The following SZT2 variants were observed in gnomAD, a reference collection of about 807,000 sequenced individuals.
SZT2 encodes the protein KICSTOR complex protein SZT2.
In SZT2, 216 loss-of-function variants were observed where a neutral mutation model predicts 404.2. The ratio of observed to expected loss-of-function variants is 0.53; its 90% confidence interval spans 0.48 to 0.60. SZT2 has a LOEUF of 0.60. Among genes scored for constraint, SZT2 ranks in the 20% least tolerant of loss-of-function variants. SZT2 has a pLI of 0.00. For synonymous variants in SZT2, 1,693 were observed against 1,749.9 expected (o/e 0.97, Z 0.81); for missense variants, 3,857 against 4,459.2 (o/e 0.86, Z 3.85).
chr1:43,389,899 G>C lies in SZT2; in HGVS notation c.-70G>C. On this transcript the variant is annotated 5_prime_UTR_variant, in exon 1 of 72. Transcript: ENST00000634258. Reference sequence around the variant, plus strand: ...CAACTTCCGGTTCCTGCTGGGTGCCGAGGTAGCGAGGTCAGGGGTCAAGAG... The same window carrying C: ...CAACTTCCGGTTCCTGCTGGGTGCCCAGGTAGCGAGGTCAGGGGTCAAGAG... 1.9e-6 allele frequency: 3 copies of C among 1,570,772 alleles called. No individual in the cohort carries two copies. The South Asian group carries it at 3.5e-5, about 18-fold the overall frequency.
rs1656003000 is a variant in SZT2, at chr1:43,448,717, A to G, written c.10075A>G (p.Thr3359Ala). ...CCATTTCCAAAGCCCAGACTTGGGA[A>G]CTCAGTACCTGGTAAGTCCCCTTGA... ...CRHFQSPDLG[T>A]QYLVVLNQKF... Residue 3359 changes from threonine to alanine, a missense_variant, in exon 70 of 72, where the codon ACT becomes GCT. Physicochemically the swap from Thr to Ala is moderately conservative, Grantham distance 58 (BLOSUM62 0). Transcript: ENST00000634258. The surrounding 1 kb of genome is among the most constrained non-coding windows in gnomAD (Gnocchi z 4.2). The G allele has an allele frequency of 6.2e-7, 1 of 1,614,132 alleles. No individual in the cohort carries two copies. Among genetic ancestry groups the G allele is most frequent in the Admixed American group, 1.7e-5 (1 of 60,024 alleles).
In SZT2 at chr1:43,451,434, C is replaced by T. The variant is rs369824095; in HGVS notation, c.*954C>T. 3.0e-5 allele frequency: 49 copies of T among 1,613,490 alleles called. No homozygotes were observed. The East Asian group carries it at 6.7e-4, about 22-fold the overall frequency. Reference sequence around the variant, plus strand: ...CCTCGAGGCTGATACTCACAGCCCACGAAGCCTTTGTAGCCTTCATCTTCC... The same window carrying T: ...CCTCGAGGCTGATACTCACAGCCCATGAAGCCTTTGTAGCCTTCATCTTCC... On this transcript the variant is annotated 3_prime_UTR_variant, in exon 72 of 72. Transcript: ENST00000634258.
In SZT2 at chr1:43,427,993, C is replaced by T. The variant is rs773985198; in HGVS notation, c.3804-10C>T. 5.0e-6 allele frequency: 8 copies of T among 1,610,948 alleles called. No homozygotes were observed. The highest frequency in any genetic ancestry group is 3.3e-4 in the Middle Eastern group (2 of 6,076). On this transcript the variant is annotated splice_polypyrimidine_tract_variant and intron_variant, in intron 26 of 71. Transcript: ENST00000634258. The stretch of plus-strand genomic sequence containing the variant: ...AGTTGGTCAAGTTCCATTTTCCCTT[C>T]GTTTCCTAGGACTCAGTTCCTCGAC...
chr1:43,446,736 A>C lies in SZT2; in HGVS notation c.9073-219A>C. 3 of 627,672 alleles carry C rather than the reference A, an allele frequency of 4.8e-6. 1 individual carries two copies. The highest frequency in any genetic ancestry group is 4.0e-5 in the South Asian group (2 of 50,470). The allele number at this position is 627,672 out of a possible 1,614,324, so 38.9% of individuals were successfully genotyped here. On this transcript the variant is annotated intron_variant, in intron 65 of 71. Transcript: ENST00000634258. ...ATAGAGCAAAATGGCCCAGTTTCTG[A>C]AAATGGCCCTAGTTTCATGGAGATA...
intron 52 of SZT2, 104 bp downstream of exon 52, chr1:43,440,690 G>A: frequency 7.1e-7 from 1 of 1,406,650 alleles, no homozygotes; most frequent in Non-Finnish European, 9.3e-7. Flanking sequence ...TTGCCACAGT[G>A]TCCTTTCATA....
chr1:43,415,049 G>A (rs751553020), intron 4 of SZT2, 33 bp from the exon 5 acceptor site: 55 of 1,592,688 alleles, frequency 3.5e-5, no homozygotes, highest in Admixed American at 2.0e-4. Flanking sequence ...CACCCTGACC[G>A]TCCTGTCTCA....
In SZT2 at chr1:43,435,267, A is replaced by G. The variant is rs779102814; in HGVS notation, c.5972A>G (p.Glu1991Gly). 1 of 1,614,252 alleles carries G rather than the reference A, an allele frequency of 6.2e-7. No individual in the cohort carries two copies. The highest frequency in any genetic ancestry group is 8.5e-7 in the Non-Finnish European group (1 of 1,180,050). Reference protein sequence around the residue: ...CNSLLVAESEEDLWRSETPFH... With the variant: ...CNSLLVAESEGDLWRSETPFH... ...TCTCTTCTGGTGGCCGAGAGTGAAG[A>G]AGATCTGTGGCGCAGTGAGACTCCC... The change falls in exon 42 of 72, where the codon GAA becomes GGA. Residue 1991 changes from glutamate to glycine, a missense_variant. Glu to Gly is a moderately conservative substitution (Grantham distance 98). Around this residue, in one of 7 missense-constraint regions of SZT2, gnomAD observed 1,725 missense variants for 1,881.0 expected, o/e 0.92. Transcript: ENST00000634258.
chr1:43,452,064 C>T lies in SZT2; in HGVS notation c.*1584C>T, dbSNP rs1557615119. Reference sequence around the variant, plus strand: ...TAGAGCTCCTTCCCAAGTTTGTCCCCCATCAGTCAGTCACTGGTCAAGGCC... The same window carrying T: ...TAGAGCTCCTTCCCAAGTTTGTCCCTCATCAGTCAGTCACTGGTCAAGGCC... On this transcript the variant is annotated 3_prime_UTR_variant, in exon 72 of 72. Coordinates refer to ENST00000634258, the MANE Select transcript of SZT2 (RefSeq NM_001365999.1). 1.3e-6 allele frequency: 2 copies of T among 1,566,804 alleles called. No homozygotes were observed. Among genetic ancestry groups the T allele is most frequent in the Admixed American group, 1.7e-5 (1 of 58,292 alleles).
rs1650032251 is a variant in SZT2 at position 43,404,275 on chromosome 1, TCATC to T, written c.328-101_328-98del. On this transcript the variant is annotated intron_variant, in intron 3 of 71. Coordinates refer to ENST00000634258, the MANE Select transcript of SZT2 (RefSeq NM_001365999.1). ...TGTGGCACTGTATTTGGGTGTGCGA[TCATC>T]CATAAGTTAAGTGTCCTACTGACCC... The T allele has an allele frequency of 4.2e-6, 4 of 958,916 alleles. No individual in the cohort carries two copies. The Admixed American group carries it at 9.3e-5, about 22-fold the overall frequency. 59.4% of individuals were successfully genotyped at this position (958,916 alleles called of 1,614,324 possible).
At chr1:43,432,650 C>G (rs1426376383) in intron 38 of SZT2, 46 bp downstream of exon 38, 1 of 1,613,136 alleles carries the variant, frequency 6.2e-7, no homozygotes, top group Non-Finnish European at 8.5e-7. Flanking sequence ...GACCAGATCC[C>G]TGACCATGCT....
chr1:43,390,258 G>A (rs1648124437), intron 1 of SZT2, among the ~76,000 whole-genome samples: 1 of 152,262 alleles, frequency 6.6e-6, no homozygotes. Flanking sequence ...TCGTCTCTAA[G>A]ACTTATAGCG....
At chr1:43,418,091 G>A (rs184386374) in intron 7 of SZT2, among the ~76,000 whole-genome samples, 1 of 152,166 alleles carries the variant, frequency 6.6e-6, no homozygotes, top group African/African-American at 2.4e-5. Context: ...ATCTTTTTCA[G>A]AGCCATTTTA....
At position 43,420,648 on chromosome 1, in the gene SZT2, G is replaced by A; in HGVS notation, c.1262-101G>A. On this transcript the variant is annotated intron_variant, in intron 9 of 71. Coordinates refer to ENST00000634258, the MANE Select transcript of SZT2 (RefSeq NM_001365999.1). The surrounding 1 kb of genome is among the most constrained non-coding windows in gnomAD (Gnocchi z 5.1). The stretch of plus-strand genomic sequence containing the variant: ...GGAACCATGCTTGGAACCTTTGGCA[G>A]GACTGGGTTCCATGAGGTAGGTGGG... 8.5e-7 allele frequency: 1 copy of A among 1,176,188 alleles called. No homozygotes were observed. The highest frequency in any genetic ancestry group is 2.5e-5 in the East Asian group (1 of 40,074). 72.9% of individuals were successfully genotyped at this position (1,176,188 alleles called of 1,614,324 possible).
Position 43,437,152 on chromosome 1 carries a change from C to G in SZT2, c.6035-19C>G. ...AGGGTGGTGTGTCCCATTTCTAATC[C>G]CTGCTCCCCCTCACCCAGATTATGC... On this transcript the variant is annotated intron_variant, in intron 42 of 71. Coordinates refer to ENST00000634258, the MANE Select transcript of SZT2 (RefSeq NM_001365999.1). This position sits in a 1 kb window ranked among gnomAD's most constrained non-coding sequence, Gnocchi z 5.3. The G allele has an allele frequency of 6.2e-7, 1 of 1,613,314 alleles. No homozygotes were observed. Among genetic ancestry groups the G allele is most frequent in the Non-Finnish European group, 8.5e-7 (1 of 1,179,522 alleles).
In SZT2 at chr1:43,448,168, TG is replaced by T; in HGVS notation, c.9654del (p.Pro3220LeufsTer21). The stretch of plus-strand genomic sequence containing the variant: ...CGCCGCTTCCGGAAGCCACCCAGAC[TG>T]CCCCCTGAGCCAGAGGCTCCTGGGA... The part of the protein sequence containing the change: ...DMRRFRKPPR[L>X]PPEPEAPGSS... On this transcript the variant is annotated frameshift_variant, in exon 69 of 72. Coordinates refer to ENST00000634258, the MANE Select transcript of SZT2 (RefSeq NM_001365999.1). LOFTEE classifies it high-confidence loss of function. The surrounding 1 kb of genome is among the most constrained non-coding windows in gnomAD (Gnocchi z 4.2). 6.2e-7 allele frequency: 1 copy of T among 1,611,882 alleles called. No homozygotes were observed. Among genetic ancestry groups the T allele is most frequent in the Non-Finnish European group, 8.5e-7 (1 of 1,178,680 alleles).
In SZT2 at chr1:43,424,756, C is replaced by T. The variant is rs776649094; in HGVS notation, c.2472-28C>T. On this transcript the variant is annotated intron_variant, in intron 16 of 71. Coordinates refer to ENST00000634258, the MANE Select transcript of SZT2 (RefSeq NM_001365999.1). This position sits in a 1 kb window ranked among gnomAD's most constrained non-coding sequence, Gnocchi z 4.1. ...AGTGTCTCTTCTTCCCTTATCCTGG[C>T]CTTGCCCCGGCCTTTATGGGGCTTC... 37 of 1,600,586 alleles carry T rather than the reference C, an allele frequency of 2.3e-5. No homozygotes were observed. The highest frequency in any genetic ancestry group is 5.0e-5 in the Admixed American group (3 of 59,950).
In SZT2 at chr1:43,431,806, A is replaced by T. The variant is rs763309847; in HGVS notation, c.5179A>T (p.Ile1727Phe). The change falls in exon 36 of 72, where the codon ATC becomes TTC. Residue 1727 changes from isoleucine (I) to phenylalanine (F), a missense_variant. Transcript: ENST00000634258. ...SPALHRAAAHIHSSPGRSTCL... is the reference protein window; with the variant it reads ...SPALHRAAAHFHSSPGRSTCL... ...TGCCCTGCACCGCGCAGCTGCCCAT[A>T]TCCATAGTTCTCCTGGACGCTCCAC... The T allele has an allele frequency of 6.2e-7, 1 of 1,614,170 alleles. No individual in the cohort carries two copies. The highest frequency in any genetic ancestry group is 8.5e-7 in the Non-Finnish European group (1 of 1,180,018).
At position 43,445,903 on chromosome 1, in the gene SZT2, G is replaced by A. The variant is rs752988789; in HGVS notation, c.8835G>A (p.Arg2945=). 2.4e-5 allele frequency: 38 copies of A among 1,614,066 alleles called. No individual in the cohort carries two copies. The highest frequency in any genetic ancestry group is 3.2e-5 in the Non-Finnish European group (38 of 1,180,030). The change falls in exon 63 of 72, where the codon CGG becomes CGA. Residue 2945 remains arginine, a synonymous_variant. Transcript: ENST00000634258. The stretch of plus-strand genomic sequence containing the variant: ...TCCTCCTTTTCTATAGCACCAGCCG[G>A]CCACGGGCCATGGCTATCCTTGGAA... ...RPPSPARSTS[R]PRAMAILGTE... is the part of the protein sequence containing the mutation.
intron 1 of SZT2, among the ~76,000 whole-genome samples, chr1:43,400,310 CTT>C (rs1386176223): frequency 6.6e-6 from 1 of 152,142 alleles, no homozygotes; most frequent in Admixed American, 6.6e-5. Flanking sequence ...TTTAAATTCT[CTT>C]TTTATCTTTC....
Sources: allele counts gnomAD v4.1 joint callset (sites outside exome capture counted in the v4.1 genomes callset), GRCh38; gene constraint gnomAD v4.1.1; regional missense constraint gnomAD v4.1.1; non-coding constraint Gnocchi (gnomAD v3.1); transcripts MANE v1.5; gene names NCBI Gene and HGNC (gene_info 2026-07-23, HGNC 2026-07-21).